The following EPN2 variants were observed in gnomAD, a reference collection of about 807,000 sequenced individuals.
EPN2 encodes epsin 2, also known as epsin-2.
A neutral mutation model predicts 61.7 loss-of-function variants in EPN2; 34 were observed. That is an observed-to-expected ratio of 0.55 (90% CI 0.42 to 0.73). EPN2 has a LOEUF of 0.73. Among genes scored for constraint, EPN2 ranks in the 30% least tolerant of loss-of-function variants. The pLI, the probability that EPN2 is intolerant of heterozygous loss-of-function variation, is 0.00. For missense variants in EPN2, 714 were observed against 839.2 expected (o/e 0.85, Z 1.84); for synonymous variants, 349 against 353.6 (o/e 0.99, Z 0.15).
intron 1 of EPN2, among the ~76,000 whole-genome samples, chr17:19,263,568 A>C (rs763733463): frequency 1.7e-4 from 26 of 152,222 alleles, no homozygotes; most frequent in Non-Finnish European, 3.5e-4. Flanking sequence ...TCTGAGTTTC[A>C]CAGGAGGCAT....
intron 7 of EPN2, among the ~76,000 whole-genome samples, chr17:19,321,308 A>T (rs1317649469): frequency 1.3e-5 from 2 of 152,276 alleles, no homozygotes; most frequent in South Asian, 4.1e-4. Context: ...TTGCTCTGGC[A>T]CGCACAGTGG....
chr17:19,332,406 GGAA>G (rs375605802), intron 10 of EPN2, among the ~76,000 whole-genome samples: 4 of 152,220 alleles, frequency 2.6e-5, no homozygotes, highest in African/African-American at 9.6e-5. Flanking sequence ...CTGGGGGTGA[GGAA>G]GAGCCAGGGT....
chr17:19,318,935 G>A (rs951428872), intron 7 of EPN2, among the ~76,000 whole-genome samples: 3 of 152,226 alleles, frequency 2.0e-5, no homozygotes, highest in South Asian at 2.1e-4. Context: ...GGTGTCTCAC[G>A]TCTGTAATCA....
At chr17:19,279,097 T>G (rs1315418546) in intron 1 of EPN2, among the ~76,000 whole-genome samples, 1 of 152,256 alleles carries the variant, frequency 6.6e-6, no homozygotes, top group African/African-American at 2.4e-5. Context: ...TTCCTGAAGT[T>G]TAAGTATTTC....
At chr17:19,312,219 C>G (rs1906174583) in intron 6 of EPN2, 75 bp downstream of exon 6, 10 of 1,053,928 alleles carry the variant, frequency 9.5e-6, no homozygotes, top group Non-Finnish European at 1.5e-5. Flanking sequence ...CACCAACTTG[C>G]CTGGATGGCG....
chr17:19,290,574 C>G (rs906565453), intron 4 of EPN2, among the ~76,000 whole-genome samples: 1 of 151,568 alleles, frequency 6.6e-6, no homozygotes, highest in Non-Finnish European at 1.5e-5. Flanking sequence ...GCTTGGTGTT[C>G]TCAGCCCCCT....
In EPN2 at chr17:19,334,288, G is replaced by A. The variant is rs913284287; in HGVS notation, c.*34G>A. 2.2e-6 allele frequency: 3 copies of A among 1,391,162 alleles called. No individual in the cohort carries two copies. The Admixed American group carries it at 9.5e-5, about 44-fold the overall frequency. 86.2% of individuals were successfully genotyped at this position (1,391,162 alleles called of 1,614,324 possible). On this transcript the variant is annotated 3_prime_UTR_variant, in exon 11 of 11. Transcript: ENST00000314728. This position sits in a 1 kb window ranked among gnomAD's most constrained non-coding sequence, Gnocchi z 4.9. ...CCTGGGACCCACCCAGAGCACCTGT[G>A]CTGGAGGATGCCGAGCAGGGACTCT...
chr17:19,252,289 A>T (rs544317123), intron 1 of EPN2, among the ~76,000 whole-genome samples: 1 of 152,258 alleles, frequency 6.6e-6, no homozygotes, highest in African/African-American at 2.4e-5. Flanking sequence ...AGTGTGGAGC[A>T]TACCTGGTTG....
At chr17:19,284,964 C>G (rs2045390535) in intron 3 of EPN2, among the ~76,000 whole-genome samples, 1 of 152,200 alleles carries the variant, frequency 6.6e-6, no homozygotes. Flanking sequence ...CACTTGAAAA[C>G]AATTTAACCT....
intron 7 of EPN2, among the ~76,000 whole-genome samples, chr17:19,314,305 G>A (rs971772056): frequency 1.7e-5 from 1 of 57,370 alleles, no homozygotes; most frequent in Admixed American, 1.2e-4. Flanking sequence ...ATGAGACTCA[G>A]TACAGGAGTC....
chr17:19,282,783 T>G lies in EPN2; in HGVS notation c.-170-167T>G, dbSNP rs116940729. On this transcript the variant is annotated intron_variant, in intron 2 of 10. Transcript: ENST00000314728. ...AAAGGCTTAAACTTGAGTGTAAGTT[T>G]TATTCATTGTTGACTGGTGATATTG... The G allele has an allele frequency of 1.6e-3, 332 of 202,804 alleles. 3 individuals are homozygous for G. The highest frequency in any genetic ancestry group is 1.9e-3 in the Non-Finnish European group (187 of 100,742). The allele number at this position is 202,804 out of a possible 1,614,324, so 12.6% of individuals were successfully genotyped here. A position where few individuals can be genotyped will look rare whatever the true frequency, so the allele number is the denominator to read the frequency against.
chr17:19,329,273 C>G, intron 8 of EPN2: 1 of 456,556 alleles, frequency 2.2e-6, no homozygotes, highest in Non-Finnish European at 3.9e-6. Context: ...TGATGCACCT[C>G]CACCACTGCC....
intron 1 of EPN2, among the ~76,000 whole-genome samples, chr17:19,275,301 G>T (rs1266706963): frequency 2.0e-5 from 3 of 152,246 alleles, no homozygotes; most frequent in Non-Finnish European, 4.4e-5. Flanking sequence ...TTTGTGCACA[G>T]GGTTTGCAGT....
Position 19,283,856 on chromosome 17 carries a change from C to T in EPN2, c.595+142C>T. On this transcript the variant is annotated intron_variant, in intron 3 of 10. Transcript: ENST00000314728. The surrounding 1 kb of genome is among the most constrained non-coding windows in gnomAD (Gnocchi z 7.0). Reference sequence around the variant, plus strand: ...AGTACCCAGCTTTTGGTGGCCCAGGCAAATTGTCCTTGGTCTGGATTGAGT... The same window carrying T: ...AGTACCCAGCTTTTGGTGGCCCAGGTAAATTGTCCTTGGTCTGGATTGAGT... The T allele has an allele frequency of 1.5e-6, 1 of 648,984 alleles. No individual in the cohort carries two copies. The highest frequency in any genetic ancestry group is 2.6e-6 in the Non-Finnish European group (1 of 382,940). The allele number at this position is 648,984 out of a possible 1,614,324, so 40.2% of individuals were successfully genotyped here.
chr17:19,279,362 T>C (rs886576329), intron 1 of EPN2, among the ~76,000 whole-genome samples: 1 of 152,106 alleles, frequency 6.6e-6, no homozygotes, highest in African/African-American at 2.4e-5. Context: ...GGTCTTCTGC[T>C]TCCACCCACA....
intron 9 of EPN2, 86 bp downstream of exon 9, chr17:19,329,733 C>A: frequency 2.5e-6 from 2 of 790,268 alleles, no homozygotes; most frequent in Non-Finnish European, 4.2e-6. Context: ...GCTTTCAAAA[C>A]CCTTCAGCTT....
chr17:19,248,048 G>T (rs1185353641), intron 1 of EPN2, among the ~76,000 whole-genome samples: 1 of 152,204 alleles, frequency 6.6e-6, no homozygotes, highest in Non-Finnish European at 1.5e-5. Flanking sequence ...AGTCTGTGTG[G>T]GTTGAGAAGC....
intron 1 of EPN2, among the ~76,000 whole-genome samples, chr17:19,257,650 TG>T (rs913453729): frequency 1.3e-5 from 2 of 151,976 alleles, no homozygotes; most frequent in Non-Finnish European, 2.9e-5. Context: ...CCCGAGTAGC[TG>T]GGACTACAGG....
At position 19,328,740 on chromosome 17, in the gene EPN2, T is replaced by C. The variant is rs1021213420; in HGVS notation, c.1177T>C (p.Trp393Arg). 1.2e-6 allele frequency: 2 copies of C among 1,612,242 alleles called. No homozygotes were observed. The highest frequency in any genetic ancestry group is 1.3e-5 in the African/African-American group (1 of 74,892). The change falls in exon 8 of 11, where the codon TGG becomes CGG. Residue 393 changes from tryptophan (W) to arginine (R), a missense_variant. Physicochemically the swap from Trp to Arg is moderately radical, Grantham distance 101. Around this residue, in one of 2 missense-constraint regions of EPN2, gnomAD observed 410 missense variants for 421.8 expected, o/e 0.97. Coordinates refer to ENST00000314728, the MANE Select transcript of EPN2 (RefSeq NM_014964.5). ...GTKPAASIDP[W>R]GVPTGATVQS... is the part of the protein sequence containing the mutation. Reference sequence around the variant, plus strand: ...CAAGCCAGCTGCCTCCATTGACCCATGGGGGGTGCCCACTGGAGCCACCGT... The same window carrying C: ...CAAGCCAGCTGCCTCCATTGACCCACGGGGGGTGCCCACTGGAGCCACCGT...
Sources: allele counts gnomAD v4.1 joint callset (sites outside exome capture counted in the v4.1 genomes callset), GRCh38; gene constraint gnomAD v4.1.1; regional missense constraint gnomAD v4.1.1; non-coding constraint Gnocchi (gnomAD v3.1); transcripts MANE v1.5; gene names NCBI Gene and HGNC (gene_info 2026-07-23, HGNC 2026-07-21).